Variants in SLC10A7 observed in about 807,000 individuals in gnomAD.
SLC10A7 encodes solute carrier family 10 member 7.
In SLC10A7, 29 loss-of-function variants were observed where a neutral mutation model predicts 43.2. The observed-to-expected ratio is 0.67, with a 90% CI of 0.50 to 0.92. The LOEUF (loss-of-function observed/expected upper bound fraction) is 0.92. Among genes scored for constraint, SLC10A7 ranks in the 40% least tolerant of loss-of-function variants. SLC10A7 has a pLI of 0.00. For missense variants in SLC10A7, 295 were observed against 403.2 expected (o/e 0.73, Z 2.30); for synonymous variants, 152 against 144.8 (o/e 1.05, Z -0.35).
chr4:146,418,890 T>C (rs576648276), intron 5 of SLC10A7, among the ~76,000 whole-genome samples: 4 of 152,218 alleles, frequency 2.6e-5, no homozygotes, highest in African/African-American at 7.2e-5. Context: ...TAAATCAGGG[T>C]TCCCACAACC....
chr4:146,516,905 C>T (rs1307413569), intron 2 of SLC10A7, 133 bp downstream of exon 2: 1 of 649,382 alleles, frequency 1.5e-6, no homozygotes, highest in East Asian at 2.8e-5. Context: ...CCTTTGCCGA[C>T]CAAGTTATCT....
chr4:146,304,439 G>A (rs1731395995), intron 7 of SLC10A7, among the ~76,000 whole-genome samples: 1 of 151,924 alleles, frequency 6.6e-6, no homozygotes, highest in Non-Finnish European at 1.5e-5. Context: ...CAGAGATTCT[G>A]GTATGTTGTG....
intron 10 of SLC10A7, among the ~76,000 whole-genome samples, chr4:146,278,069 T>C (rs1729320380): frequency 6.6e-6 from 1 of 152,196 alleles, no homozygotes; most frequent in South Asian, 2.1e-4. Flanking sequence ...AAGCAATTTT[T>C]GGTCTTCAAA....
chr4:146,277,351 A>G (rs552467118), intron 10 of SLC10A7, among the ~76,000 whole-genome samples: 2 of 152,312 alleles, frequency 1.3e-5, no homozygotes, highest in Non-Finnish European at 2.9e-5. Context: ...TAGATATGCT[A>G]GCAATGATTT....
In SLC10A7 at chr4:146,254,906, A is replaced by G. The variant is rs1249542053; in HGVS notation, c.*1585T>C. ...AGCATAGATTTTTGCAGGATCTGGCATTAGCCTTAAAATTCACACTGAGAA... is the reference window on the plus strand; with the variant it reads ...AGCATAGATTTTTGCAGGATCTGGCGTTAGCCTTAAAATTCACACTGAGAA... On this transcript the variant is annotated 3_prime_UTR_variant, in exon 12 of 12. Transcript: ENST00000335472. 1 of 152,242 alleles carries G rather than the reference A, an allele frequency of 6.6e-6. No homozygotes were observed. The highest frequency in any genetic ancestry group is 2.4e-5 in the African/African-American group (1 of 41,468). The allele number at this position is 152,242 out of a possible 1,614,324, so 9.4% of individuals were successfully genotyped here. A position where few individuals can be genotyped will look rare whatever the true frequency, so the allele number is the denominator to read the frequency against.
chr4:146,370,233 T>A (rs950150504), intron 5 of SLC10A7, among the ~76,000 whole-genome samples: 1 of 152,152 alleles, frequency 6.6e-6, no homozygotes, highest in African/African-American at 2.4e-5. Flanking sequence ...GAGTAACAAA[T>A]TCCTTTCTGG....
At chr4:146,297,881 C>G (rs1197957929) in intron 7 of SLC10A7, among the ~76,000 whole-genome samples, 1 of 152,178 alleles carries the variant, frequency 6.6e-6, no homozygotes, top group Non-Finnish European at 1.5e-5. Context: ...AATTCTTCCC[C>G]TCTATTAATT....
chr4:146,406,390 T>C (rs1251884947), intron 5 of SLC10A7, among the ~76,000 whole-genome samples: 3 of 152,202 alleles, frequency 2.0e-5, no homozygotes, highest in Non-Finnish European at 4.4e-5. Context: ...GAATACCTAA[T>C]ATATAAACCA....
intron 2 of SLC10A7, 85 bp downstream of exon 2, chr4:146,516,953 A>ATT (rs1738061859): frequency 9.8e-7 from 1 of 1,022,020 alleles, no homozygotes; most frequent in Non-Finnish European, 1.4e-6. Context: ...AGCTATAAAC[A>ATT]GCTTTACCAA....
At chr4:146,340,421 A>G (rs1229205193) in intron 5 of SLC10A7, among the ~76,000 whole-genome samples, 1 of 151,744 alleles carries the variant, frequency 6.6e-6, no homozygotes, top group Non-Finnish European at 1.5e-5. Context: ...AGGCTCTAGT[A>G]AAAAACAAAG....
At chr4:146,391,518 C>T (rs1579068527) in intron 5 of SLC10A7, among the ~76,000 whole-genome samples, 1 of 152,184 alleles carries the variant, frequency 6.6e-6, no homozygotes, top group East Asian at 1.9e-4. Flanking sequence ...TGTACCTCAG[C>T]CCCTCAGTTT....
intron 5 of SLC10A7, among the ~76,000 whole-genome samples, chr4:146,346,402 A>G (rs1285137910): frequency 2.0e-5 from 3 of 152,180 alleles, no homozygotes; most frequent in Non-Finnish European, 4.4e-5. Context: ...CCAAGAAACA[A>G]TGACAAAAAC....
chr4:146,274,396 G>T (rs541570228), intron 10 of SLC10A7, among the ~76,000 whole-genome samples: 7 of 152,006 alleles, frequency 4.6e-5, no homozygotes, highest in Admixed American at 2.6e-4. Context: ...TAGAGACAGG[G>T]TTTCACCATG....
chr4:146,419,600 C>G (rs1045163163), intron 5 of SLC10A7, among the ~76,000 whole-genome samples: 3 of 152,092 alleles, frequency 2.0e-5, no homozygotes, highest in African/African-American at 7.2e-5. Flanking sequence ...CCTTGGGAGG[C>G]TGAGGTTGGT....
chr4:146,280,122 A>G (rs917793833), intron 10 of SLC10A7, among the ~76,000 whole-genome samples: 11 of 152,176 alleles, frequency 7.2e-5, no homozygotes, highest in African/African-American at 2.7e-4. Flanking sequence ...TATAATAATG[A>G]ATGGTATTTT....
intron 5 of SLC10A7, among the ~76,000 whole-genome samples, chr4:146,399,231 G>T (rs1385052156): frequency 6.6e-6 from 1 of 152,094 alleles, no homozygotes; most frequent in Non-Finnish European, 1.5e-5. Context: ...AGGGGAGAAA[G>T]TCTTTGCTGC....
chr4:146,506,395 T>C (rs913163938), intron 3 of SLC10A7, among the ~76,000 whole-genome samples: 2 of 152,220 alleles, frequency 1.3e-5, no homozygotes, highest in Non-Finnish European at 2.9e-5. Context: ...TGCAGAAATA[T>C]AGATAACTAA....
At chr4:146,496,880 C>T (rs771143734) in intron 4 of SLC10A7, among the ~76,000 whole-genome samples, 16 of 152,098 alleles carry the variant, frequency 1.1e-4, no homozygotes, top group African/African-American at 1.9e-4. Flanking sequence ...CCCTGTAAGA[C>T]GTTATTATCC....
intron 4 of SLC10A7, among the ~76,000 whole-genome samples, chr4:146,452,801 A>G (rs541338657): frequency 1.3e-5 from 2 of 152,156 alleles, no homozygotes; most frequent in South Asian, 4.1e-4. Flanking sequence ...TTTTATATAT[A>G]TCATTGTATT....
Sources: gnomAD v4.1 joint callset for allele counts (sites outside exome capture counted in the v4.1 genomes callset) on GRCh38, gnomAD v4.1.1 for gene constraint, MANE v1.5 for transcripts, NCBI Gene and HGNC (gene_info 2026-07-23, HGNC 2026-07-21) for gene names.